Variants in TENM3 observed in about 807,000 individuals in gnomAD.
The protein encoded by TENM3 is teneurin-3.
TENM3 carries 63 observed loss-of-function variants against 255.1 expected under a neutral mutation model. That is an observed-to-expected ratio of 0.25 (90% CI 0.20 to 0.30). The LOEUF (loss-of-function observed/expected upper bound fraction) is 0.30. Ranked by LOEUF, TENM3 falls within the 10% of genes least tolerant of loss-of-function variation. The pLI is 1.00. For missense variants in TENM3, 2,929 were observed against 3,461.1 expected (o/e 0.85, Z 3.86); for synonymous variants, 1,306 against 1,322.3 (o/e 0.99, Z 0.27).
chr4:182,218,501 A>G (rs1755646813), intron 1 of TENM3, among the ~76,000 whole-genome samples: 1 of 152,184 alleles, frequency 6.6e-6, no homozygotes, highest in South Asian at 2.1e-4. Context: ...TCTTAGCCCC[A>G]TTTTATAAAT....
chr4:182,594,683 GGTGT>G (rs67667219), intron 3 of TENM3, among the ~76,000 whole-genome samples: 18,983 of 137,788 alleles, frequency 0.14, 1,323 homozygotes, highest in South Asian at 0.16. Context: ...TTTTTGTTTT[GGTGT>G]GTGTGTGTGT....
At chr4:181,563,076 G>A in the TENM3 span, among the ~76,000 whole-genome samples, 5 of 152,220 alleles carry the variant, frequency 3.3e-5, no homozygotes, top group African/African-American at 1.2e-4. Context: ...GCACCTGGGT[G>A]CATTCGTTTG....
intron 3 of TENM3, among the ~76,000 whole-genome samples, chr4:182,486,314 GT>G (rs1561497555): frequency 4.8e-4 from 51 of 107,356 alleles, no homozygotes; most frequent in Non-Finnish European, 8.7e-4. Flanking sequence ...TTAATTGTGT[GT>G]GGGGGGGAGG....
At chr4:181,514,256 A>T in the TENM3 span, among the ~76,000 whole-genome samples, 1 of 152,190 alleles carries the variant, frequency 6.6e-6, no homozygotes, top group Non-Finnish European at 1.5e-5. Context: ...TTCCATTTTT[A>T]AAATTGTAAT....
chr4:182,004,989 T>C, the TENM3 span, among the ~76,000 whole-genome samples: 1 of 152,210 alleles, frequency 6.6e-6, no homozygotes, highest in Non-Finnish European at 1.5e-5. Flanking sequence ...GACGGGTAGA[T>C]TGCAAAAATT....
the TENM3 span, among the ~76,000 whole-genome samples, chr4:181,778,933 G>A: frequency 6.6e-6 from 1 of 152,128 alleles, no homozygotes; most frequent in Non-Finnish European, 1.5e-5. Context: ...TAGGAATTAG[G>A]TCTTATATCA....
At chr4:181,926,826 G>A in the TENM3 span, among the ~76,000 whole-genome samples, 2 of 151,870 alleles carry the variant, frequency 1.3e-5, no homozygotes, top group Admixed American at 6.6e-5. Context: ...TCATCTCATT[G>A]GGACTGGTTA....
chr4:182,123,811 T>G, the TENM3 span, among the ~76,000 whole-genome samples: 1 of 152,148 alleles, frequency 6.6e-6, no homozygotes, highest in Non-Finnish European at 1.5e-5. Context: ...AACCTTCAAT[T>G]TGTAAAATAT....
chr4:182,645,427 T>G (rs1313260200), intron 5 of TENM3, among the ~76,000 whole-genome samples: 1 of 152,100 alleles, frequency 6.6e-6, no homozygotes, highest in Non-Finnish European at 1.5e-5. Flanking sequence ...AATGTCTATA[T>G]TTTGGGGAAT....
the TENM3 span, among the ~76,000 whole-genome samples, chr4:181,570,194 C>T: frequency 4.6e-5 from 7 of 151,862 alleles, no homozygotes; most frequent in African/African-American, 1.2e-4. Flanking sequence ...TACAGGCGCC[C>T]GCCACCGCGC....
the TENM3 span, among the ~76,000 whole-genome samples, chr4:181,591,649 C>T: frequency 1.3e-5 from 2 of 152,176 alleles, no homozygotes; most frequent in Admixed American, 1.3e-4. Context: ...TGAGCTCCGC[C>T]TCCCATCATT....
intron 22 of TENM3, among the ~76,000 whole-genome samples, chr4:182,759,404 A>G (rs1762964002): frequency 6.6e-6 from 1 of 152,244 alleles, no homozygotes; most frequent in Non-Finnish European, 1.5e-5. Context: ...GAGAACACCT[A>G]TAAATGCTCT....
At chr4:181,455,530 G>A in the TENM3 span, among the ~76,000 whole-genome samples, 7 of 151,856 alleles carry the variant, frequency 4.6e-5, no homozygotes. Flanking sequence ...AGTATTCAAG[G>A]GAATCACTTT....
the TENM3 span, among the ~76,000 whole-genome samples, chr4:181,979,160 T>C: frequency 8.6e-6 from 1 of 116,720 alleles, no homozygotes; most frequent in Non-Finnish European, 1.7e-5. Flanking sequence ...ATATATGACA[T>C]CTTTGGTTGA....
intron 1 of TENM3, among the ~76,000 whole-genome samples, chr4:182,307,533 C>A (rs1762205913): frequency 6.6e-6 from 1 of 152,148 alleles, no homozygotes; most frequent in Admixed American, 6.5e-5. Flanking sequence ...TTCCTTAATG[C>A]TCCATCCAAA....
chr4:182,113,385 T>G, the TENM3 span, among the ~76,000 whole-genome samples: 1 of 152,178 alleles, frequency 6.6e-6, no homozygotes, highest in East Asian at 1.9e-4. Flanking sequence ...GGTATCACTG[T>G]CTTGTAAAGA....
At chr4:182,795,222 A>T (rs1766414013) in intron 26 of TENM3, among the ~76,000 whole-genome samples, 1 of 152,050 alleles carries the variant, frequency 6.6e-6, no homozygotes, top group South Asian at 2.1e-4. Context: ...CCTTATTCTC[A>T]TTCAGGGTTT....
At chr4:182,151,124 T>C (rs7681106) in intron 1 of TENM3, among the ~76,000 whole-genome samples, 31,630 of 151,990 alleles carry the variant, frequency 0.21, 4,226 homozygotes, top group African/African-American at 0.36. Flanking sequence ...AGCATCCTCT[T>C]GTGTCCAGCA....
the TENM3 span, among the ~76,000 whole-genome samples, chr4:181,961,672 G>A: frequency 1.3e-5 from 2 of 152,066 alleles, no homozygotes; most frequent in African/African-American, 4.8e-5. Flanking sequence ...ACCCACCTTG[G>A]CCTCCCAAGA....
Sources: gnomAD v4.1 joint callset for allele counts (sites outside exome capture counted in the v4.1 genomes callset) on GRCh38, gnomAD v4.1.1 for gene constraint, MANE v1.5 for transcripts, NCBI Gene and HGNC (gene_info 2026-07-23, HGNC 2026-07-21) for gene names.